NR6A1: variants seen among roughly 807,000 people sequenced by gnomAD.
NR6A1 encodes nuclear receptor subfamily 6 group A member 1, also known as retinoic acid receptor-related testis-associated receptor.
A neutral mutation model predicts 59.1 loss-of-function variants in NR6A1; 7 were observed. The ratio of observed to expected loss-of-function variants is 0.12; its 90% CI spans 0.07 to 0.22. NR6A1 has a LOEUF of 0.22. Ranked by LOEUF, NR6A1 falls within the 10% of genes least tolerant of loss-of-function variation. NR6A1 has a pLI of 1.00. For missense variants in NR6A1, 468 were observed against 611.6 expected, an observed-to-expected ratio of 0.77 and a Z score of 2.48; for synonymous variants, 243 against 236.1, an observed-to-expected ratio of 1.03 and a Z score of -0.27.
chr9:124,742,702 C>T (rs1017128083), intron 1 of NR6A1, among the ~76,000 whole-genome samples: 1 of 151,996 alleles, frequency 6.6e-6, no homozygotes, highest in Non-Finnish European at 1.5e-5. Flanking sequence ...CGGTGAAACC[C>T]CGTCTCTAGT....
intron 2 of NR6A1, among the ~76,000 whole-genome samples, chr9:124,580,540 C>T (rs1487442605): frequency 6.6e-6 from 1 of 152,110 alleles, no homozygotes; most frequent in Non-Finnish European, 1.5e-5. Context: ...CAAAGCTGGG[C>T]CAGGCGTGGT....
At chr9:124,684,176 C>T (rs974373741) in intron 2 of NR6A1, among the ~76,000 whole-genome samples, 1 of 152,170 alleles carries the variant, frequency 6.6e-6, no homozygotes, top group African/African-American at 2.4e-5. Flanking sequence ...CTTACCCATC[C>T]AGCATTTCTA....
chr9:124,695,972 G>T (rs994313216), intron 2 of NR6A1, among the ~76,000 whole-genome samples: 1 of 152,092 alleles, frequency 6.6e-6, no homozygotes, highest in African/African-American at 2.4e-5. Context: ...ACTACAAGAA[G>T]GGAGACAATT....
intron 2 of NR6A1, among the ~76,000 whole-genome samples, chr9:124,652,184 G>C (rs565944443): frequency 6.6e-6 from 1 of 152,290 alleles, no homozygotes; most frequent in East Asian, 1.9e-4. Flanking sequence ...ATGCACAAGA[G>C]TAAAGAAGCA....
chr9:124,627,640 C>T (rs1353480095), intron 2 of NR6A1, among the ~76,000 whole-genome samples: 1 of 152,210 alleles, frequency 6.6e-6, no homozygotes, highest in Non-Finnish European at 1.5e-5. Context: ...GATGCAATCA[C>T]AGCTCACTGC....
Position 124,571,590 on chromosome 9 carries a change from T to C in NR6A1, c.143-17020A>G, listed in dbSNP as rs907850122. 5.9e-5 allele frequency among the ~76,000 whole-genome samples: 9 copies of C among 152,264 alleles called. No individual in the cohort carries two copies. The East Asian group carries it at 9.7e-4, about 16-fold the overall frequency. On this transcript the variant is annotated intron_variant, in intron 2 of 9. Coordinates refer to ENST00000487099, the MANE Select transcript of NR6A1 (RefSeq NM_033334.4). ...ACTGGTTTAATGCAATTCTCTCTATTGCCAAGATTTCACAGGGCTTGCTAA... is the reference window on the plus strand; with the variant it reads ...ACTGGTTTAATGCAATTCTCTCTATCGCCAAGATTTCACAGGGCTTGCTAA...
intron 9 of NR6A1, 149 bp from the exon 10 acceptor site, chr9:124,522,942 C>A: frequency 1.6e-6 from 1 of 615,042 alleles, no homozygotes; most frequent in Admixed American, 2.3e-5. Context: ...GTTGGACACA[C>A]TGGGCTAACA....
At chr9:124,683,482 T>G (rs1838235997) in intron 2 of NR6A1, among the ~76,000 whole-genome samples, 2 of 152,216 alleles carry the variant, frequency 1.3e-5, no homozygotes, top group Non-Finnish European at 2.9e-5. Flanking sequence ...TCTCACTTAA[T>G]TCTCACCACT....
At chr9:124,553,435 G>A (rs1833832194) in intron 3 of NR6A1, among the ~76,000 whole-genome samples, 1 of 151,252 alleles carries the variant, frequency 6.6e-6, no homozygotes, top group African/African-American at 2.4e-5. Flanking sequence ...ACATCTTTAT[G>A]CATCCTTCTC....
In NR6A1 at chr9:124,685,299, G is replaced by A. The variant is rs144934392; in HGVS notation, c.142+48009C>T. On this transcript the variant is annotated intron_variant, in intron 2 of 9. Transcript: ENST00000487099. ...GCCTAGGAATCTGCACTTTTAGCAGGCTACATTTCCCATCGCTACCACTTT... is the reference window on the plus strand; with the variant it reads ...GCCTAGGAATCTGCACTTTTAGCAGACTACATTTCCCATCGCTACCACTTT... 2.6e-4 allele frequency among the ~76,000 whole-genome samples: 40 copies of A among 152,260 alleles called. No individual in the cohort carries two copies. In the East Asian group the frequency reaches 6.7e-3, roughly 26 times the overall value.
intron 2 of NR6A1, among the ~76,000 whole-genome samples, chr9:124,611,408 C>G (rs967320505): frequency 1.1e-4 from 17 of 151,972 alleles, no homozygotes; most frequent in African/African-American, 4.1e-4. Context: ...GAGTAGCCAC[C>G]AAAGACTACT....
At chr9:124,563,019 T>C (rs1391661472) in intron 2 of NR6A1, among the ~76,000 whole-genome samples, 1 of 152,214 alleles carries the variant, frequency 6.6e-6, no homozygotes, top group Non-Finnish European at 1.5e-5. Flanking sequence ...CTGCAGGACT[T>C]CTCAGTTACA....
chr9:124,699,416 T>C (rs1838867416), intron 2 of NR6A1, among the ~76,000 whole-genome samples: 1 of 152,196 alleles, frequency 6.6e-6, no homozygotes, highest in Non-Finnish European at 1.5e-5. Flanking sequence ...TCCAAACACT[T>C]GAGTCACCTC....
At chr9:124,746,362 G>A (rs1260440702) in intron 1 of NR6A1, among the ~76,000 whole-genome samples, 1 of 152,222 alleles carries the variant, frequency 6.6e-6, no homozygotes, top group Non-Finnish European at 1.5e-5. Flanking sequence ...GCCCAGGTAG[G>A]TGGATCACCT....
intron 2 of NR6A1, among the ~76,000 whole-genome samples, chr9:124,564,510 T>C (rs1834175873): frequency 6.6e-6 from 1 of 152,226 alleles, no homozygotes; most frequent in Non-Finnish European, 1.5e-5. Flanking sequence ...AATAAAGAGA[T>C]ACAAGATCTC....
rs572365113 is a variant in NR6A1, at chr9:124,771,048, G to T, written c.72C>A (p.Pro24=). The T allele has an allele frequency of 2.0e-5, 25 of 1,230,714 alleles. No homozygotes were observed. In the African/African-American group the frequency reaches 3.9e-4, roughly 19 times the overall value. 76.2% of individuals were successfully genotyped at this position (1,230,714 alleles called of 1,614,324 possible). A position where few individuals can be genotyped will look rare whatever the true frequency, so the allele number is the denominator to read the frequency against. The change falls in exon 1 of 10, where the codon CCC becomes CCA. Residue 24 remains proline (P), a synonymous_variant. Transcript: ENST00000487099. ...TGCGCGGCGGCGGAGGGAGCGCGGC[G>T]GGAGGCTCCAGGAACCCCGCCGAGC... The part of the protein sequence containing the change: ...GGGSAGFLEP[P]AALPPPPRNG...
chr9:124,739,096 G>A (rs974502875), intron 1 of NR6A1, among the ~76,000 whole-genome samples: 17 of 151,102 alleles, frequency 1.1e-4, no homozygotes, highest in African/African-American at 4.1e-4. Context: ...GCTGAGGCAG[G>A]AGAAATGCTT....
intron 2 of NR6A1, among the ~76,000 whole-genome samples, chr9:124,628,308 G>C (rs957740115): frequency 6.6e-6 from 1 of 152,108 alleles, no homozygotes; most frequent in African/African-American, 2.4e-5. Flanking sequence ...GATTACAGGC[G>C]TGAGCCACCG....
chr9:124,747,388 AG>A (rs1264189315), intron 1 of NR6A1, among the ~76,000 whole-genome samples: 2 of 151,922 alleles, frequency 1.3e-5, no homozygotes, highest in Admixed American at 1.3e-4. Flanking sequence ...ATGTCCTCAC[AG>A]GCAAGAAAGG....
Sources: gnomAD v4.1 joint callset for allele counts (sites outside exome capture counted in the v4.1 genomes callset) on GRCh38, gnomAD v4.1.1 for gene constraint, MANE v1.5 for transcripts, NCBI Gene and HGNC (gene_info 2026-07-23, HGNC 2026-07-21) for gene names.